TDRD3: variants seen among roughly 807,000 people sequenced by gnomAD.
The protein encoded by TDRD3 is tudor domain-containing protein 3.
A neutral mutation model predicts 86.7 loss-of-function variants in TDRD3; 45 were observed. That is an observed-to-expected ratio of 0.52 (90% CI 0.41 to 0.67). TDRD3 has a LOEUF of 0.67. TDRD3 is among the 30% of genes least tolerant of loss of function. The pLI, the probability that TDRD3 is intolerant of heterozygous loss-of-function variation, is 0.00. For missense variants in TDRD3, 814 were observed against 889.0 expected (o/e 0.92, Z 1.07); for synonymous variants, 298 against 301.7 (o/e 0.99, Z 0.13).
chr13:60,400,516 C>T (rs772779405), intron 1 of TDRD3, among the ~76,000 whole-genome samples: 18 of 151,954 alleles, frequency 1.2e-4, no homozygotes, highest in Non-Finnish European at 8.8e-5. Flanking sequence ...GAGGCTAAGG[C>T]GGGTGGTCAG....
intron 12 of TDRD3, among the ~76,000 whole-genome samples, chr13:60,565,515 G>C (rs1370141973): frequency 6.6e-6 from 1 of 152,088 alleles, no homozygotes; most frequent in Non-Finnish European, 1.5e-5. Context: ...AAACACAATA[G>C]ATAGAAATAG....
intron 12 of TDRD3, among the ~76,000 whole-genome samples, chr13:60,557,786 T>C (rs901158815): frequency 1.3e-5 from 2 of 151,538 alleles, no homozygotes; most frequent in African/African-American, 4.8e-5. Context: ...GCCTGTATTT[T>C]AGCAATTTGG....
intron 1 of TDRD3, among the ~76,000 whole-genome samples, chr13:60,432,589 C>T (rs1022065985): frequency 4.6e-5 from 7 of 152,030 alleles, no homozygotes; most frequent in Non-Finnish European, 8.8e-5. Flanking sequence ...AATCAATTTA[C>T]ACTATGGAGA....
chr13:60,405,218 C>T (rs1464859656), intron 1 of TDRD3, among the ~76,000 whole-genome samples: 1 of 152,166 alleles, frequency 6.6e-6, no homozygotes, highest in African/African-American at 2.4e-5. Flanking sequence ...ATCTACCTGT[C>T]CCGGCCTCCC....
intron 10 of TDRD3, among the ~76,000 whole-genome samples, chr13:60,523,125 A>G (rs138966485): frequency 1.3e-5 from 2 of 152,340 alleles, no homozygotes; most frequent in East Asian, 3.9e-4. Flanking sequence ...TAGGATCTTA[A>G]TAAATATTAA....
chr13:60,492,917 C>CTTTTTTTTTTTTTT (rs71199004), intron 7 of TDRD3, among the ~76,000 whole-genome samples: 8 of 115,470 alleles, frequency 6.9e-5, no homozygotes, highest in Admixed American at 1.1e-4. Context: ...TCTTTCTTTT[C>CTTTTTTTTTTTTTT]TTTTTTTTTT....
intron 3 of TDRD3, among the ~76,000 whole-genome samples, chr13:60,448,918 C>T (rs932729506): frequency 1.3e-5 from 2 of 152,118 alleles, no homozygotes; most frequent in Non-Finnish European, 2.9e-5. Context: ...ACTCGAGGAC[C>T]TTATGTACTG....
Position 60,530,391 on chromosome 13 carries a change from C to T in TDRD3, c.1992+1174C>T, listed in dbSNP as rs542199295. ...AAACGTATGTAAGGGAGTTACAGAG[C>T]GAAGGGTCTGGGAGGATGTGAGAAG... On this transcript the variant is annotated intron_variant, in intron 11 of 13. Coordinates refer to ENST00000377881, the MANE Select transcript of TDRD3 (RefSeq NM_001146070.2). Among the ~76,000 whole-genome samples the T allele has an allele frequency of 1.3e-4, 20 of 151,890 alleles. No individual in the cohort carries two copies. The South Asian group carries it at 3.8e-3, about 29-fold the overall frequency.
rs74639218 is a variant in TDRD3 at position 60,481,908 on chromosome 13, T to C, written c.496-1867T>C. Among the ~76,000 whole-genome samples, 1,110 of 152,292 alleles carry C rather than the reference T, an allele frequency of 7.3e-3. 17 individuals are homozygous for C. The highest frequency in any genetic ancestry group is 0.025 in the African/African-American group (1,052 of 41,562). ...AACAGTTAATTTACTTTTGATCAGT[T>C]TGACCCCTTCAAGATGTGTATTCAA... On this transcript the variant is annotated intron_variant, in intron 5 of 13. Transcript: ENST00000377881.
At chr13:60,433,121 C>T (rs1278876830) in intron 1 of TDRD3, among the ~76,000 whole-genome samples, 1 of 152,158 alleles carries the variant, frequency 6.6e-6, no homozygotes, top group Non-Finnish European at 1.5e-5. Context: ...CATGTGTCAT[C>T]AGCCCAGTTT....
intron 12 of TDRD3, among the ~76,000 whole-genome samples, chr13:60,552,116 G>A (rs75008757): frequency 9.9e-5 from 15 of 152,252 alleles, no homozygotes; most frequent in South Asian, 8.3e-4. Flanking sequence ...GTCTTAACTC[G>A]TTCCAGCATT....
intron 1 of TDRD3, among the ~76,000 whole-genome samples, chr13:60,407,002 G>GA (rs1954251495): frequency 6.6e-6 from 1 of 152,210 alleles, no homozygotes; most frequent in South Asian, 2.1e-4. Flanking sequence ...AATAAAGGTG[G>GA]ATTTTGTAAA....
At chr13:60,400,063 G>C (rs1046694327) in intron 1 of TDRD3, among the ~76,000 whole-genome samples, 1 of 152,192 alleles carries the variant, frequency 6.6e-6, no homozygotes, top group African/African-American at 2.4e-5. Flanking sequence ...CAAACTATTA[G>C]ATTTTGCTGA....
chr13:60,418,115 C>T (rs1356988263), intron 1 of TDRD3, among the ~76,000 whole-genome samples: 5 of 152,030 alleles, frequency 3.3e-5, no homozygotes, highest in African/African-American at 9.7e-5. Context: ...GTATGCATAG[C>T]CTCTTGTTTC....
At chr13:60,414,318 A>G (rs1341842) in intron 1 of TDRD3, among the ~76,000 whole-genome samples, 20,840 of 151,932 alleles carry the variant, frequency 0.14, 1,504 homozygotes, top group East Asian at 0.2. Flanking sequence ...CAGTTTTTGT[A>G]AATAACATTT....
At chr13:60,412,300 T>A (rs1394062039) in intron 1 of TDRD3, among the ~76,000 whole-genome samples, 1 of 152,208 alleles carries the variant, frequency 6.6e-6, no homozygotes, top group East Asian at 1.9e-4. Flanking sequence ...TTTGAGTGAA[T>A]TGGTGTGAGT....
intron 1 of TDRD3, among the ~76,000 whole-genome samples, chr13:60,433,174 T>C (rs1403394748): frequency 1.3e-5 from 2 of 152,186 alleles, no homozygotes; most frequent in African/African-American, 4.8e-5. Flanking sequence ...TTTCAGGAAG[T>C]CAAGTTGCAG....
At chr13:60,502,973 G>A (rs1208959689) in intron 8 of TDRD3, among the ~76,000 whole-genome samples, 1 of 152,120 alleles carries the variant, frequency 6.6e-6, no homozygotes, top group Non-Finnish European at 1.5e-5. Flanking sequence ...AATTCTAGAG[G>A]AACCAGGCAG....
intron 12 of TDRD3, among the ~76,000 whole-genome samples, chr13:60,550,302 G>T (rs543977615): frequency 6.6e-6 from 1 of 152,178 alleles, no homozygotes; most frequent in South Asian, 2.1e-4. Flanking sequence ...ATACAGAACA[G>T]AATTATTTGT....
Sources: gnomAD v4.1 joint callset for allele counts (sites outside exome capture counted in the v4.1 genomes callset) on GRCh38, gnomAD v4.1.1 for gene constraint, MANE v1.5 for transcripts, NCBI Gene and HGNC (gene_info 2026-07-23, HGNC 2026-07-21) for gene names.